DNMT3A: variants seen among roughly 807,000 people sequenced by gnomAD.
DNMT3A encodes the protein DNA (cytosine-5)-methyltransferase 3A.
In DNMT3A, 267 loss-of-function variants were observed where a neutral mutation model predicts 117.6. The observed-to-expected ratio is 2.27, with a 90% CI of 2.05 to 2.51. The LOEUF (loss-of-function observed/expected upper bound fraction) is 2.51, where lower values mean the gene tolerates loss of function less well. Among genes scored for constraint, DNMT3A ranks in the 30% most tolerant of loss-of-function variants. DNMT3A has a pLI of 0.00. For synonymous variants in DNMT3A, 432 were observed against 474.8 expected (o/e 0.91, Z 1.17); for missense variants, 1,029 against 1,260.2 (o/e 0.82, Z 2.78).
At chr2:25,321,589 C>G (rs571794499) in intron 1 of DNMT3A, among the ~76,000 whole-genome samples, 2 of 152,364 alleles carry the variant, frequency 1.3e-5, no homozygotes, top group African/African-American at 4.8e-5. Context: ...GGCCATTATT[C>G]TGGCTACCAA....
intron 1 of DNMT3A, among the ~76,000 whole-genome samples, chr2:25,341,158 G>A (rs1305306069): frequency 6.9e-6 from 1 of 144,494 alleles, no homozygotes; most frequent in Admixed American, 6.8e-5. Flanking sequence ...CCCTCGGCCC[G>A]CCCCCGGGGG....
At chr2:25,333,361 A>C in intron 1 of DNMT3A, among the ~76,000 whole-genome samples, 1 of 147,094 alleles carries the variant, frequency 6.8e-6, no homozygotes. Flanking sequence ...ACGAAGTCTC[A>C]CTCTGTCGCC....
chr2:25,268,538 T>C (rs2030572888), intron 6 of DNMT3A, among the ~76,000 whole-genome samples: 1 of 152,062 alleles, frequency 6.6e-6, no homozygotes, highest in South Asian at 2.1e-4. Flanking sequence ...TCAGAGTGCA[T>C]TTTGCTCTGA....
chr2:25,305,919 T>A lies in DNMT3A; in HGVS notation c.73-5676A>T, dbSNP rs1281429687. Among the ~76,000 whole-genome samples the A allele has an allele frequency of 2.0e-5, 3 of 152,176 alleles. No individual in the cohort carries two copies. Among genetic ancestry groups the A allele is most frequent in the African/African-American group, 7.2e-5 (3 of 41,432 alleles). On this transcript the variant is annotated intron_variant, in intron 2 of 22. Transcript: ENST00000321117. This position sits in a 1 kb window ranked among gnomAD's most constrained non-coding sequence, Gnocchi z 4.1. Reference sequence around the variant, plus strand: ...TAAACCGGATGCTACTGACCCAGCATCGGTTGAGCAGATGTCTCGAGTTGG... The same window carrying A: ...TAAACCGGATGCTACTGACCCAGCAACGGTTGAGCAGATGTCTCGAGTTGG...
At chr2:25,241,858 G>C in intron 16 of DNMT3A, 151 bp from the exon 17 acceptor site, 1 of 977,138 alleles carries the variant, frequency 1.0e-6, no homozygotes, top group Non-Finnish European at 1.5e-6. Flanking sequence ...ATCCTTTCTG[G>C]ATCCAACTGG....
chr2:25,264,028 G>A (rs375617479), intron 6 of DNMT3A, among the ~76,000 whole-genome samples: 3 of 151,108 alleles, frequency 2.0e-5, no homozygotes, highest in East Asian at 3.9e-4. Context: ...TGCTTCCTTA[G>A]TGTCTAGAAA....
In DNMT3A at chr2:25,339,581, C is replaced by T. The variant is rs1221475924; in HGVS notation, c.-178+2245G>A. The stretch of plus-strand genomic sequence containing the variant: ...AGCCTGGTCCCTCGCCTGGAGCCAG[C>T]ACATGTGCACACACAGACTCCCACC... On this transcript the variant is annotated intron_variant, in intron 1 of 22. Coordinates refer to ENST00000321117, the MANE Select transcript of DNMT3A (RefSeq NM_022552.5). This position sits in a 1 kb window ranked among gnomAD's most constrained non-coding sequence, Gnocchi z 4.9. 6.6e-6 allele frequency among the ~76,000 whole-genome samples: 1 copy of T among 152,182 alleles called. No homozygotes were observed. The highest frequency in any genetic ancestry group is 1.5e-5 in the Non-Finnish European group (1 of 68,024).
Position 25,240,698 on chromosome 2 carries a change from A to G in DNMT3A, c.2115T>C (p.Ile705=), listed in dbSNP as rs937360487. ...AGAGGTCATTGCAGGGACTGCCCCC[A>G]ATCACCAGATCGAATGGGCCCCACT... ...IQEWGPFDLV[I]GGSPCNDLSI... is the part of the protein sequence containing the mutation. Residue 705 remains isoleucine (I), a synonymous_variant, in exon 18 of 23, where the codon ATT becomes ATC. Transcript: ENST00000321117. 1.9e-6 allele frequency: 3 copies of G among 1,614,186 alleles called. No individual in the cohort carries two copies. Among genetic ancestry groups the G allele is most frequent in the African/African-American group, 1.3e-5 (1 of 75,070 alleles).
intron 6 of DNMT3A, among the ~76,000 whole-genome samples, chr2:25,270,449 C>T (rs975220854): frequency 3.9e-5 from 6 of 152,210 alleles, no homozygotes; most frequent in South Asian, 2.1e-4. Context: ...TTCTGGAAAC[C>T]GGCTCAGTAA....
At chr2:25,329,055 G>T (rs1374602597) in intron 1 of DNMT3A, among the ~76,000 whole-genome samples, 1 of 152,156 alleles carries the variant, frequency 6.6e-6, no homozygotes, top group South Asian at 2.1e-4. Flanking sequence ...GTTGGAGCTC[G>T]TCCCCCACCA....
rs1378389616 is a variant in DNMT3A at position 25,248,156 on chromosome 2, C to T, written c.736G>A (p.Ala246Thr). 3 of 1,613,820 alleles carry T rather than the reference C, an allele frequency of 1.9e-6. No individual in the cohort carries two copies. Among genetic ancestry groups the T allele is most frequent in the Non-Finnish European group, 2.5e-6 (3 of 1,179,984 alleles). ...GCGGGGTCAGTGGGCTGCTGCACAGCAGGAGGGCTGGCCTCCTCCACCTTC... is the reference window on the plus strand; with the variant it reads ...GCGGGGTCAGTGGGCTGCTGCACAGTAGGAGGGCTGGCCTCCTCCACCTTC... ...SQKVEEASPPAVQQPTDPASP... is the reference protein window; with the variant it reads ...SQKVEEASPPTVQQPTDPASP... Residue 246 changes from alanine (A) to threonine (T), a missense_variant, in exon 7 of 23, where the codon GCT becomes ACT. By Grantham distance (58) the Ala-to-Thr change is moderately conservative. Coordinates refer to ENST00000321117, the MANE Select transcript of DNMT3A (RefSeq NM_022552.5).
At chr2:25,324,787 T>C (rs2034725321) in intron 1 of DNMT3A, among the ~76,000 whole-genome samples, 1 of 152,100 alleles carries the variant, frequency 6.6e-6, no homozygotes, top group African/African-American at 2.4e-5. Flanking sequence ...CTTGGTGCCA[T>C]TTTCCAGTGA....
rs1672874079 is a variant in DNMT3A, at chr2:25,231,211, A to G, written c.*3068T>C. 1 of 152,256 alleles carries G rather than the reference A, an allele frequency of 6.6e-6. No individual in the cohort carries two copies. The highest frequency in any genetic ancestry group is 2.1e-4 in the South Asian group (1 of 4,830). 9.4% of individuals were successfully genotyped at this position (152,256 alleles called of 1,614,324 possible). A position where few individuals can be genotyped will look rare whatever the true frequency, so the allele number is the denominator to read the frequency against. ...GCCCCTCCTCCCCCAGCCCTCCTGG[A>G]GTGGCGCTGGTGGACTCCAGGCCCG... On this transcript the variant is annotated 3_prime_UTR_variant, in exon 23 of 23. Coordinates refer to ENST00000321117, the MANE Select transcript of DNMT3A (RefSeq NM_022552.5).
chr2:25,298,377 G>C lies in DNMT3A; in HGVS notation c.177+1762C>G, dbSNP rs941021791. 1.3e-5 allele frequency among the ~76,000 whole-genome samples: 2 copies of C among 152,120 alleles called. No homozygotes were observed. Among genetic ancestry groups the C allele is most frequent in the Non-Finnish European group, 2.9e-5 (2 of 68,028 alleles). ...CTGACTTCCTTGTACCTTTTCACCC[G>C]AGTGCTTCACTCCACCTCTCAGCGA... On this transcript the variant is annotated intron_variant, in intron 3 of 22. Transcript: ENST00000321117. The surrounding 1 kb of genome is among the most constrained non-coding windows in gnomAD (Gnocchi z 4.3).
intron 6 of DNMT3A, chr2:25,251,864 A>G (rs1351823299): frequency 1.2e-5 from 5 of 410,082 alleles, no homozygotes; most frequent in African/African-American, 4.2e-5. Flanking sequence ...AGCTGCCTCC[A>G]ACCCAACTCC....
At chr2:25,321,772 G>C (rs565570801) in intron 1 of DNMT3A, among the ~76,000 whole-genome samples, 2 of 152,326 alleles carry the variant, frequency 1.3e-5, no homozygotes, top group African/African-American at 4.8e-5. Context: ...TGTAGTCCCA[G>C]CTACTCGAGA....
intron 3 of DNMT3A, among the ~76,000 whole-genome samples, chr2:25,289,830 C>T (rs1322906718): frequency 6.6e-6 from 1 of 152,246 alleles, no homozygotes; most frequent in Non-Finnish European, 1.5e-5. Context: ...AATTCCCCAG[C>T]CCTGCCGCCG....
chr2:25,325,484 G>A (rs2034751558), intron 1 of DNMT3A, among the ~76,000 whole-genome samples: 1 of 152,104 alleles, frequency 6.6e-6, no homozygotes, highest in Admixed American at 6.6e-5. Flanking sequence ...CTACAGCATG[G>A]TCCACAGCTG....
At chr2:25,267,846 C>A (rs1450458890) in intron 6 of DNMT3A, among the ~76,000 whole-genome samples, 1 of 152,100 alleles carries the variant, frequency 6.6e-6, no homozygotes, top group Non-Finnish European at 1.5e-5. Context: ...AGCTTAAATG[C>A]AGAAATGGGT....
Sources: gnomAD v4.1 joint callset for allele counts (sites outside exome capture counted in the v4.1 genomes callset) on GRCh38, gnomAD v4.1.1 for gene constraint, Gnocchi (gnomAD v3.1) non-coding constraint, MANE v1.5 for transcripts, NCBI Gene and HGNC (gene_info 2026-07-23, HGNC 2026-07-21) for gene names.